The following SUSD4 variants were observed in gnomAD, a reference collection of about 807,000 sequenced individuals.
SUSD4 encodes sushi domain containing 4.
A neutral mutation model predicts 50.5 loss-of-function variants in SUSD4; 41 were observed. The ratio of observed to expected loss-of-function variants is 0.81; its 90% confidence interval spans 0.63 to 1.05. The LOEUF is 1.05. Ranked by LOEUF, SUSD4 falls within the 50% of genes least tolerant of loss-of-function variation. The pLI is 0.00. For synonymous variants in SUSD4, 257 were observed against 257.3 expected, an observed-to-expected ratio of 1.00 and a Z score of 0.01; for missense variants, 580 against 634.7, an observed-to-expected ratio of 0.91 and a Z score of 0.93.
At chr1:223,302,663 G>GA (rs1665269881) in intron 2 of SUSD4, among the ~76,000 whole-genome samples, 1 of 152,164 alleles carries the variant, frequency 6.6e-6, no homozygotes, top group Admixed American at 6.5e-5. Context: ...ACATTTTCCA[G>GA]AAAATGTTAG....
At chr1:223,243,662 C>T (rs1158661239) in intron 5 of SUSD4, among the ~76,000 whole-genome samples, 2 of 152,214 alleles carry the variant, frequency 1.3e-5, no homozygotes, top group African/African-American at 2.4e-5. Context: ...AACCACTTCC[C>T]GCCTGTCTTT....
At chr1:223,334,929 T>C (rs1444603982) in intron 2 of SUSD4, among the ~76,000 whole-genome samples, 3 of 152,144 alleles carry the variant, frequency 2.0e-5, no homozygotes, top group Non-Finnish European at 4.4e-5. Flanking sequence ...TGCCTTTGCA[T>C]CCTCATAGCT....
intron 2 of SUSD4, among the ~76,000 whole-genome samples, chr1:223,306,006 C>G (rs368571528): frequency 6.6e-6 from 1 of 152,114 alleles, no homozygotes; most frequent in Non-Finnish European, 1.5e-5. Flanking sequence ...AATATAAAGT[C>G]GGCTATGTCT....
rs761093714 is a variant in SUSD4 at position 223,363,353 on chromosome 1, A to G, written c.73T>C (p.Ser25Pro). Reference protein sequence around the residue: ...EQQQQQQQPQSPQRLLAVILW... With the variant: ...EQQQQQQQPQPPQRLLAVILW... Reference sequence around the variant, plus strand: ...ATCACGGCCAAGAGTCTCTGGGGGGACTGAGGTTGCTGCTGCTGCTGCTGC... The same window carrying G: ...ATCACGGCCAAGAGTCTCTGGGGGGGCTGAGGTTGCTGCTGCTGCTGCTGC... The change falls in exon 2 of 9, where the codon TCC becomes CCC. Residue 25 changes from serine to proline, a missense_variant. Transcript: ENST00000366878. 1.9e-6 allele frequency: 3 copies of G among 1,607,386 alleles called. No individual in the cohort carries two copies. Among genetic ancestry groups the G allele is most frequent in the Admixed American group, 3.4e-5 (2 of 59,036 alleles).
intron 5 of SUSD4, among the ~76,000 whole-genome samples, chr1:223,250,905 C>T (rs1661260276): frequency 6.6e-6 from 1 of 152,130 alleles, no homozygotes; most frequent in African/African-American, 2.4e-5. Flanking sequence ...GCCCTTTAAA[C>T]CTGGGAGCAA....
chr1:223,249,706 T>C (rs1282409535), intron 5 of SUSD4, among the ~76,000 whole-genome samples: 3 of 152,246 alleles, frequency 2.0e-5, no homozygotes, highest in Non-Finnish European at 4.4e-5. Context: ...CAGTTTCCAC[T>C]AGCAAAGGTA....
chr1:223,292,017 C>G (rs987783794), intron 3 of SUSD4, among the ~76,000 whole-genome samples: 1 of 152,118 alleles, frequency 6.6e-6, no homozygotes, highest in Non-Finnish European at 1.5e-5. Flanking sequence ...TAACACAGAA[C>G]TGATAAGTAG....
chr1:223,231,716 C>T lies in SUSD4; in HGVS notation c.725-2328G>A, dbSNP rs1452109837. On this transcript the variant is annotated intron_variant, in intron 5 of 8. Transcript: ENST00000366878. This position sits in a 1 kb window ranked among gnomAD's most constrained non-coding sequence, Gnocchi z 4.2. Reference sequence around the variant, plus strand: ...GGGATGTGGCCGTAAGGGCTCTTCTCTCCTTGGAGGCCCTCCTCCGTGCTG... The same window carrying T: ...GGGATGTGGCCGTAAGGGCTCTTCTTTCCTTGGAGGCCCTCCTCCGTGCTG... Among the ~76,000 whole-genome samples, 1 of 152,238 alleles carries T rather than the reference C, an allele frequency of 6.6e-6. No homozygotes were observed. The highest frequency in any genetic ancestry group is 1.5e-5 in the Non-Finnish European group (1 of 68,044).
intron 5 of SUSD4, among the ~76,000 whole-genome samples, chr1:223,247,804 C>T (rs895573630): frequency 3.9e-5 from 6 of 152,084 alleles, no homozygotes; most frequent in South Asian, 4.1e-4. Flanking sequence ...GTGATTCTAA[C>T]GGGTAGACAA....
At chr1:223,349,580 GA>G (rs1408626153) in intron 2 of SUSD4, among the ~76,000 whole-genome samples, 1 of 152,208 alleles carries the variant, frequency 6.6e-6, no homozygotes, top group Non-Finnish European at 1.5e-5. Context: ...AATGTTTGAT[GA>G]ATGACTTAAT....
intron 5 of SUSD4, among the ~76,000 whole-genome samples, chr1:223,263,090 A>G (rs972548376): frequency 2.0e-5 from 3 of 152,216 alleles, no homozygotes; most frequent in African/African-American, 7.2e-5. Context: ...CAAATTTGAA[A>G]AGATTTGAAA....
At chr1:223,359,732 A>G (rs1409284649) in intron 2 of SUSD4, among the ~76,000 whole-genome samples, 1 of 152,172 alleles carries the variant, frequency 6.6e-6, no homozygotes, top group East Asian at 1.9e-4. Context: ...ATGAGGCAAT[A>G]TTATGATAGA....
intron 2 of SUSD4, among the ~76,000 whole-genome samples, chr1:223,347,365 G>A (rs1404803037): frequency 1.3e-5 from 2 of 151,902 alleles, no homozygotes; most frequent in Non-Finnish European, 2.9e-5. Context: ...ACCCTACCCC[G>A]CCTCCCCTTC....
chr1:223,253,284 G>A (rs1661461467), intron 5 of SUSD4, among the ~76,000 whole-genome samples: 1 of 151,440 alleles, frequency 6.6e-6, no homozygotes. Context: ...TTCGGAGTCA[G>A]GCATTATCTT....
chr1:223,263,867 C>T, intron 5 of SUSD4: 1 of 985,450 alleles, frequency 1.0e-6, no homozygotes, highest in Non-Finnish European at 1.2e-6. Flanking sequence ...CGGCTCCTGA[C>T]TTGAGGTTTC....
At chr1:223,286,179 A>G (rs564377827) in intron 3 of SUSD4, among the ~76,000 whole-genome samples, 404 of 152,036 alleles carry the variant, frequency 2.7e-3, no homozygotes, top group Non-Finnish European at 4.4e-3. Context: ...GCAGTGGCGC[A>G]ATCTCGGCTC....
intron 2 of SUSD4, among the ~76,000 whole-genome samples, chr1:223,318,624 C>T (rs1172273409): frequency 4.3e-5 from 6 of 140,758 alleles, no homozygotes; most frequent in East Asian, 2.1e-4. Flanking sequence ...ATGAGCATTT[C>T]TTCATGTGTT....
In SUSD4 at chr1:223,236,556, T is replaced by TG. The variant is rs1172875881; in HGVS notation, c.725-7169_725-7168insC. ...AAGGTCTGTGTCTAGCTTTTTTTTT[T>TG]TTTGTTTTTGTATGTGGATGCCCAA... On this transcript the variant is annotated intron_variant, in intron 5 of 8. Transcript: ENST00000366878. Among the ~76,000 whole-genome samples the TG allele has an allele frequency of 7.2e-5, 11 of 152,136 alleles. No homozygotes were observed. In the East Asian group the frequency reaches 7.7e-4, roughly 11 times the overall value.
intron 2 of SUSD4, among the ~76,000 whole-genome samples, chr1:223,344,419 G>C (rs1667920635): frequency 6.6e-6 from 1 of 152,088 alleles, no homozygotes. Context: ...CAGTGAACAT[G>C]GTAAGGCTGT....
Sources: allele counts gnomAD v4.1 joint callset (sites outside exome capture counted in the v4.1 genomes callset), GRCh38; gene constraint gnomAD v4.1.1; non-coding constraint Gnocchi (gnomAD v3.1); transcripts MANE v1.5; gene names NCBI Gene and HGNC (gene_info 2026-07-23, HGNC 2026-07-21).